The following SEMA3A variants were observed in gnomAD, a reference collection of about 807,000 sequenced individuals.
SEMA3A encodes semaphorin-3A.
In SEMA3A, 29 loss-of-function variants were observed where a neutral mutation model predicts 97.9. The observed-to-expected ratio is 0.30, with a 90% CI of 0.22 to 0.40. The LOEUF (loss-of-function observed/expected upper bound fraction) is 0.40, where lower values mean the gene tolerates loss of function less well. Ranked by LOEUF, SEMA3A falls within the 10% of genes least tolerant of loss-of-function variation. The pLI is 1.00. For synonymous variants in SEMA3A, 321 were observed against 323.7 expected, an observed-to-expected ratio of 0.99 and a Z score of 0.09; for missense variants, 763 against 951.3, an observed-to-expected ratio of 0.80 and a Z score of 2.60.
intron 3 of SEMA3A, among the ~76,000 whole-genome samples, chr7:84,128,855 T>C (rs940225392): frequency 6.6e-6 from 1 of 152,064 alleles, no homozygotes; most frequent in Non-Finnish European, 1.5e-5. Flanking sequence ...ACATTCAAAA[T>C]GCAGACACAC....
intron 1 of SEMA3A, among the ~76,000 whole-genome samples, chr7:84,438,031 T>C (rs1584325197): frequency 6.6e-6 from 1 of 152,012 alleles, no homozygotes; most frequent in East Asian, 1.9e-4. Flanking sequence ...CCAAGCAATC[T>C]ATCCAGAAAA....
intron 3 of SEMA3A, among the ~76,000 whole-genome samples, chr7:84,274,342 C>A (rs754274185): frequency 5.9e-5 from 9 of 151,948 alleles, no homozygotes; most frequent in Non-Finnish European, 1.3e-4. Context: ...AGGAAAGGCC[C>A]CTGAAATTCC....
chr7:84,283,462 T>A (rs955569027), intron 3 of SEMA3A, among the ~76,000 whole-genome samples: 1 of 152,128 alleles, frequency 6.6e-6, no homozygotes, highest in Non-Finnish European at 1.5e-5. Context: ...AATTTATATT[T>A]GATTCTTTTC....
chr7:84,170,226 A>T (rs1797343024), intron 1 of SEMA3A, among the ~76,000 whole-genome samples: 1 of 151,972 alleles, frequency 6.6e-6, no homozygotes, highest in Non-Finnish European at 1.5e-5. Flanking sequence ...GATTTTAAAC[A>T]CGCGTTGCTT....
chr7:84,268,248 C>CGTGTGTGTGTGT (rs1562879382), intron 3 of SEMA3A, among the ~76,000 whole-genome samples: 1 of 106,588 alleles, frequency 9.4e-6, no homozygotes, highest in African/African-American at 3.9e-5. Flanking sequence ...GAGACATAAG[C>CGTGTGTGTGTGT]ATGTGTGTGT....
chr7:84,428,387 A>T (rs997594253), intron 1 of SEMA3A, among the ~76,000 whole-genome samples: 3 of 152,100 alleles, frequency 2.0e-5, no homozygotes, highest in Non-Finnish European at 2.9e-5. Context: ...TATCGCTAAT[A>T]AAGTAATATT....
chr7:84,235,554 A>G (rs1246726390), intron 3 of SEMA3A, among the ~76,000 whole-genome samples: 1 of 152,100 alleles, frequency 6.6e-6, no homozygotes, highest in Non-Finnish European at 1.5e-5. Context: ...TATTGGAATA[A>G]GAAAAATGAT....
rs763889341 is a variant in SEMA3A at position 84,134,774 on chromosome 7, A to G, written c.270+20T>C. 10 of 1,556,566 alleles carry G rather than the reference A, an allele frequency of 6.4e-6. No individual in the cohort carries two copies. The Admixed American group carries it at 1.1e-4, about 16-fold the overall frequency. ...AGATGCTTCAAAATAACTATAGTGCATATATTAGAATACTGATACCTTTTG... is the reference window on the plus strand; with the variant it reads ...AGATGCTTCAAAATAACTATAGTGCGTATATTAGAATACTGATACCTTTTG... On this transcript the variant is annotated intron_variant, in intron 2 of 16. Transcript: ENST00000265362.
At chr7:84,216,266 C>T (rs886148848) in intron 3 of SEMA3A, among the ~76,000 whole-genome samples, 2 of 152,046 alleles carry the variant, frequency 1.3e-5, no homozygotes, top group African/African-American at 4.8e-5. Flanking sequence ...GCCACCACAC[C>T]CGGCTAATTT....
chr7:84,307,306 C>G (rs1801185287), intron 2 of SEMA3A: 1 of 152,002 alleles, frequency 6.6e-6, no homozygotes, highest in Non-Finnish European at 1.5e-5. Context: ...TAAAAATAAA[C>G]AAGTTTATTC....
chr7:84,201,059 C>G (rs1260329233), intron 3 of SEMA3A, among the ~76,000 whole-genome samples: 2 of 151,998 alleles, frequency 1.3e-5, no homozygotes, highest in African/African-American at 4.8e-5. Context: ...ATAAGTCGGT[C>G]TACACTAAAT....
At chr7:84,374,857 G>A (rs939291315) in intron 1 of SEMA3A, among the ~76,000 whole-genome samples, 1 of 152,126 alleles carries the variant, frequency 6.6e-6, no homozygotes, top group Non-Finnish European at 1.5e-5. Flanking sequence ...CTGTGCTTGT[G>A]AGATGTATGT....
chr7:84,164,806 T>C (rs1244201292), intron 1 of SEMA3A, among the ~76,000 whole-genome samples: 1 of 152,158 alleles, frequency 6.6e-6, no homozygotes, highest in Non-Finnish European at 1.5e-5. Flanking sequence ...CTCTTAACAC[T>C]TTCCTTATTA....
At chr7:84,472,910 A>G (rs527855226) in intron 1 of SEMA3A, among the ~76,000 whole-genome samples, 14 of 152,300 alleles carry the variant, frequency 9.2e-5, no homozygotes, top group African/African-American at 3.1e-4. Flanking sequence ...ACAGCTTTTA[A>G]TACTGCTATT....
chr7:84,225,669 G>A (rs186906434), intron 3 of SEMA3A, among the ~76,000 whole-genome samples: 1 of 152,034 alleles, frequency 6.6e-6, no homozygotes, highest in South Asian at 2.1e-4. Context: ...AGGGCCAAAT[G>A]TAAATTCCTA....
chr7:84,484,949 T>C (rs1257003465), intron 1 of SEMA3A, among the ~76,000 whole-genome samples: 2 of 152,220 alleles, frequency 1.3e-5, no homozygotes, highest in Non-Finnish European at 2.9e-5. Context: ...TGTTTGTACA[T>C]ATTTACTGCT....
At chr7:84,378,875 A>ACTCTCT (rs72175737) in intron 1 of SEMA3A, among the ~76,000 whole-genome samples, 1 of 140,838 alleles carries the variant, frequency 7.1e-6, no homozygotes, top group African/African-American at 2.6e-5. Flanking sequence ...AAGATCCATG[A>ACTCTCT]CTCTCTCTCT....
At chr7:84,361,320 A>G (rs4728554) in intron 2 of SEMA3A, among the ~76,000 whole-genome samples, 43,621 of 151,912 alleles carry the variant, frequency 0.29, 6,742 homozygotes, top group African/African-American at 0.38. Flanking sequence ...TAAGACTTAT[A>G]TTGAATGGAA....
At chr7:84,241,934 T>G (rs2116380957) in intron 3 of SEMA3A, among the ~76,000 whole-genome samples, 1 of 151,962 alleles carries the variant, frequency 6.6e-6, no homozygotes, top group Non-Finnish European at 1.5e-5. Flanking sequence ...GATCAGACAG[T>G]TGTAGATCTG....
Sources: gnomAD v4.1 joint callset for allele counts (sites outside exome capture counted in the v4.1 genomes callset) on GRCh38, gnomAD v4.1.1 for gene constraint, MANE v1.5 for transcripts, NCBI Gene and HGNC (gene_info 2026-07-23, HGNC 2026-07-21) for gene names.